Variants in CDX1 observed in about 807,000 individuals in gnomAD.
CDX1 encodes the protein caudal type homeobox 1, also known as homeobox protein CDX-1.
In CDX1, 9 loss-of-function variants were observed where a neutral mutation model predicts 16.9. The observed-to-expected ratio is 0.53, with a 90% confidence interval of 0.32 to 0.93. The LOEUF (loss-of-function observed/expected upper bound fraction) is 0.93, where lower values mean the gene tolerates loss of function less well. Among genes scored for constraint, CDX1 ranks in the 40% least tolerant of loss-of-function variants. CDX1 has a pLI of 0.04. For missense variants in CDX1, 393 were observed against 386.1 expected, an observed-to-expected ratio of 1.02 and a Z score of -0.15; for synonymous variants, 179 against 179.0, an observed-to-expected ratio of 1.00 and a Z score of 0.00.
Position 150,183,807 on chromosome 5 carries a change from A to G in CDX1, c.*127A>G, listed in dbSNP as rs775264282. On this transcript the variant is annotated 3_prime_UTR_variant, in exon 3 of 3. Coordinates refer to ENST00000231656, the MANE Select transcript of CDX1 (RefSeq NM_001804.3). ...TCTGGGACATGGTGGACAGTCACCTATCCACCCTCTGCATCCCCTTGGCCC... is the reference window on the plus strand; with the variant it reads ...TCTGGGACATGGTGGACAGTCACCTGTCCACCCTCTGCATCCCCTTGGCCC... 22 of 694,664 alleles carry G rather than the reference A, an allele frequency of 3.2e-5. 1 individual carries two copies. The highest frequency in any genetic ancestry group is 4.4e-5 in the Non-Finnish European group (19 of 431,686). The allele number at this position is 694,664 out of a possible 1,614,324, so 43.0% of individuals were successfully genotyped here. A position where few individuals can be genotyped will look rare whatever the true frequency, so the allele number is the denominator to read the frequency against.
chr5:150,174,840 A>C (rs1761548358), intron 1 of CDX1, among the ~76,000 whole-genome samples: 1 of 150,474 alleles, frequency 6.6e-6, no homozygotes, highest in Non-Finnish European at 1.5e-5. Context: ...GCAATGGCGC[A>C]ATCTCGGCTC....
At chr5:150,183,036 A>G in intron 2 of CDX1, 123 bp downstream of exon 2, 1 of 1,195,176 alleles carries the variant, frequency 8.4e-7, no homozygotes, top group African/African-American at 1.5e-5. Flanking sequence ...GGCCATTGTC[A>G]CACAGCACAG....
intron 1 of CDX1, 47 bp downstream of exon 1, chr5:150,167,368 G>C: frequency 8.2e-7 from 1 of 1,213,992 alleles, no homozygotes. Flanking sequence ...GCAGGTGCTC[G>C]GGCGCGGCCC....
chr5:150,182,222 C>G (rs1752458880), intron 1 of CDX1, among the ~76,000 whole-genome samples: 1 of 152,204 alleles, frequency 6.6e-6, no homozygotes, highest in South Asian at 2.1e-4. Context: ...TCTTGATCAC[C>G]CTTGCCTGCC....
intron 1 of CDX1, among the ~76,000 whole-genome samples, chr5:150,170,427 G>C (rs1761489325): frequency 2.0e-5 from 3 of 152,222 alleles, no homozygotes; most frequent in Non-Finnish European, 4.4e-5. Context: ...CTGGCACCCA[G>C]CTCAGTGCAT....
At chr5:150,183,179 C>T (rs191604414) in intron 2 of CDX1, among the ~76,000 whole-genome samples, 1 of 152,252 alleles carries the variant, frequency 6.6e-6, no homozygotes, top group Admixed American at 6.5e-5. Flanking sequence ...GGTGCACGTG[C>T]TATTTACATT....
intron 1 of CDX1, 129 bp from the exon 2 acceptor site, chr5:150,182,639 G>A: frequency 1.2e-6 from 1 of 820,964 alleles, no homozygotes; most frequent in Non-Finnish European, 1.9e-6. Flanking sequence ...TGGAGTGTAT[G>A]TCTCTCCCCA....
At chr5:150,182,342 C>T (rs1355753879) in intron 1 of CDX1, among the ~76,000 whole-genome samples, 1 of 152,184 alleles carries the variant, frequency 6.6e-6, no homozygotes, top group African/African-American at 2.4e-5. Context: ...ACTAACTGGT[C>T]AGGGATGCCC....
intron 1 of CDX1, among the ~76,000 whole-genome samples, chr5:150,169,259 C>T (rs140342972): frequency 5.1e-4 from 78 of 152,130 alleles, no homozygotes; most frequent in African/African-American, 1.9e-3. Context: ...TCTCTGGGCA[C>T]GAGAGCTGCT....
intron 1 of CDX1, among the ~76,000 whole-genome samples, chr5:150,176,391 G>A (rs949125102): frequency 1.3e-4 from 20 of 152,272 alleles, no homozygotes; most frequent in Admixed American, 1.0e-3. Context: ...CACCTCCCCT[G>A]AGCCCCCTCC....
intron 1 of CDX1, among the ~76,000 whole-genome samples, chr5:150,170,234 A>G (rs2237091): frequency 0.52 from 79,299 of 151,998 alleles, 22,250 homozygotes; most frequent in African/African-American, 0.74. Flanking sequence ...TAGTTTCATC[A>G]TCACCTCCTC....
intron 1 of CDX1, among the ~76,000 whole-genome samples, chr5:150,179,108 G>C (rs1002929621): frequency 2.0e-5 from 3 of 152,208 alleles, no homozygotes; most frequent in African/African-American, 4.8e-5. Context: ...AATGAGGCTA[G>C]ATATCGCCAA....
intron 1 of CDX1, among the ~76,000 whole-genome samples, chr5:150,181,969 GC>G (rs1334679360): frequency 6.6e-6 from 1 of 152,212 alleles, no homozygotes; most frequent in East Asian, 1.9e-4. Flanking sequence ...TCTGGTGCAG[GC>G]CCAGCTCAGG....
chr5:150,183,955 T>TG lies in CDX1; in HGVS notation c.*280dup, dbSNP rs1486099920. 1 of 315,242 alleles carries TG rather than the reference T, an allele frequency of 3.2e-6. No individual in the cohort carries two copies. Among genetic ancestry groups the TG allele is most frequent in the Non-Finnish European group, 5.8e-6 (1 of 172,940 alleles). 19.5% of individuals were successfully genotyped at this position (315,242 alleles called of 1,614,324 possible). ...GTGGGCATCTCAAGCCCCAAATGGT[T>TG]GGGGGAGGGGCCTAGACAAGGCTCC... On this transcript the variant is annotated 3_prime_UTR_variant, in exon 3 of 3. Coordinates refer to ENST00000231656, the MANE Select transcript of CDX1 (RefSeq NM_001804.3).
Position 150,167,116 on chromosome 5 carries a change from C to T in CDX1, c.240C>T (p.Pro80=), listed in dbSNP as rs112755531. Residue 80 remains proline, a synonymous_variant, in exon 1 of 3, where the codon CCC becomes CCT. Coordinates refer to ENST00000231656, the MANE Select transcript of CDX1 (RefSeq NM_001804.3). ...GGGCCGCCGCCTACGGCCCGGGCCCCGCGGCCCCTGCCGCCAGCCCAGCTT... is the reference window on the plus strand; with the variant it reads ...GGGCCGCCGCCTACGGCCCGGGCCCTGCGGCCCCTGCCGCCAGCCCAGCTT... ...DDWAAAYGPG[P]AAPAASPASL... is the part of the protein sequence containing the mutation. 14 of 1,338,790 alleles carry T rather than the reference C, an allele frequency of 1.0e-5. No homozygotes were observed. The East Asian group carries it at 4.4e-4, about 42-fold the overall frequency. 82.9% of individuals were successfully genotyped at this position (1,338,790 alleles called of 1,614,324 possible). A position where few individuals can be genotyped will look rare whatever the true frequency, so the allele number is the denominator to read the frequency against.
At position 150,170,375 on chromosome 5, in the gene CDX1, C is replaced by T. The variant is rs150227176; in HGVS notation, c.445+3054C>T. 1.1e-3 allele frequency among the ~76,000 whole-genome samples: 162 copies of T among 152,352 alleles called. 1 individual carries two copies. The East Asian group carries it at 0.023, about 21-fold the overall frequency. On this transcript the variant is annotated intron_variant, in intron 1 of 2. Transcript: ENST00000231656. ...CACTTGTTTGTATGTTGTCCATTCCCGTGAGGTCCAGAACTATGTCTGCTT... is the reference window on the plus strand; with the variant it reads ...CACTTGTTTGTATGTTGTCCATTCCTGTGAGGTCCAGAACTATGTCTGCTT...
intron 1 of CDX1, among the ~76,000 whole-genome samples, chr5:150,172,509 G>A (rs554566615): frequency 6.6e-6 from 1 of 152,234 alleles, no homozygotes; most frequent in Admixed American, 6.5e-5. Context: ...GGACATGGCA[G>A]CACAGTGTTT....
rs529994000 is a variant in CDX1 at position 150,180,118 on chromosome 5, C to T, written c.446-2650C>T. Among the ~76,000 whole-genome samples, 45 of 152,380 alleles carry T rather than the reference C, an allele frequency of 3.0e-4. No homozygotes were observed. In the South Asian group the frequency reaches 6.4e-3, roughly 22 times the overall value. ...TGCGAGGAGACTAAACTCTCACAAC[C>T]GCTTCCAGCTTTAGCCCAGTGAACC... On this transcript the variant is annotated intron_variant, in intron 1 of 2. Transcript: ENST00000231656.
At chr5:150,172,272 C>T (rs1020030886) in intron 1 of CDX1, among the ~76,000 whole-genome samples, 23 of 152,230 alleles carry the variant, frequency 1.5e-4, no homozygotes, top group Non-Finnish European at 2.6e-4. Context: ...TCAGTCCCAT[C>T]CTCACCCTGT....
Sources: allele counts gnomAD v4.1 joint callset (sites outside exome capture counted in the v4.1 genomes callset), GRCh38; gene constraint gnomAD v4.1.1; transcripts MANE v1.5; gene names NCBI Gene and HGNC (gene_info 2026-07-23, HGNC 2026-07-21).